MAMLD1: variants seen among roughly 807,000 people sequenced by gnomAD.
MAMLD1 encodes mastermind like domain containing 1.
A neutral mutation model predicts 45.0 loss-of-function variants in MAMLD1; 14 were observed. The ratio of observed to expected loss-of-function variants is 0.31; its 90% confidence interval spans 0.21 to 0.49. MAMLD1 has a LOEUF of 0.49. Ranked by LOEUF, MAMLD1 falls within the 20% of genes least tolerant of loss-of-function variation. MAMLD1 has a pLI of 0.99. For synonymous variants in MAMLD1, 254 were observed against 247.8 expected, an observed-to-expected ratio of 1.02 and a Z score of -0.24; for missense variants, 543 against 603.6, an observed-to-expected ratio of 0.90 and a Z score of 1.05.
rs1369018914 is a variant in MAMLD1 at position 150,387,494 on chromosome X, A to G, written c.-64+23964A>G. Among the ~76,000 whole-genome samples, 4 of 112,087 alleles carry G rather than the reference A, an allele frequency of 3.6e-5. No homozygotes were observed. In the Admixed American group the frequency reaches 3.8e-4, roughly 11 times the overall value. ...GCCAAACTGCTTTCTAAAATTTGTGAAAATACAGTATTTGTGGGATGCGTA... is the reference window on the plus strand; with the variant it reads ...GCCAAACTGCTTTCTAAAATTTGTGGAAATACAGTATTTGTGGGATGCGTA... On this transcript the variant is annotated intron_variant, in intron 1 of 7. Coordinates refer to ENST00000370401, the MANE Select transcript of MAMLD1 (RefSeq NM_005491.5).
At chrX:150,409,785 C>T (rs1195053614) in intron 1 of MAMLD1, among the ~76,000 whole-genome samples, 1 of 112,325 alleles carries the variant, frequency 8.9e-6, no homozygotes, top group Non-Finnish European at 1.9e-5. Context: ...ACAGTATCCA[C>T]TTGTATGTGT....
At chrX:150,455,684 G>A (rs782273516) in intron 2 of MAMLD1, among the ~76,000 whole-genome samples, 10 of 111,461 alleles carry the variant, frequency 9.0e-5, no homozygotes, top group African/African-American at 2.9e-4. Flanking sequence ...CAGACCATGA[G>A]GGCTCAGGGC....
intron 6 of MAMLD1, among the ~76,000 whole-genome samples, chrX:150,507,829 A>G (rs1468286210): frequency 1.8e-5 from 2 of 110,841 alleles, no homozygotes; most frequent in African/African-American, 3.3e-5. Context: ...ACTTTACCGC[A>G]CTTCCCCTGC....
chrX:150,447,061 GCA>G (rs1217558534), intron 2 of MAMLD1, among the ~76,000 whole-genome samples: 4 of 112,448 alleles, frequency 3.6e-5, no homozygotes, highest in African/African-American at 1.3e-4. Context: ...ACAGTTGAAT[GCA>G]CAGATTCCAG....
chrX:150,387,999 G>A (rs1321966990), intron 1 of MAMLD1, among the ~76,000 whole-genome samples: 5 of 111,457 alleles, frequency 4.5e-5, no homozygotes, highest in Non-Finnish European at 9.4e-5. Flanking sequence ...GTCTTTTTCT[G>A]TACTGTCTTT....
intron 2 of MAMLD1, among the ~76,000 whole-genome samples, chrX:150,461,511 C>T (rs1415676833): frequency 9.0e-6 from 1 of 111,683 alleles, no homozygotes; most frequent in African/African-American, 3.3e-5. Context: ...GATTATTCTG[C>T]CTCTTTAGAG....
chrX:150,469,653 CTCTGTGTG>C (rs1366155491), intron 3 of MAMLD1, 84 bp from the exon 4 acceptor site: 24 of 483,030 alleles, frequency 5.0e-5, no homozygotes, highest in Non-Finnish European at 6.7e-5. Flanking sequence ...CTCTCTCTCT[CTCTGTGTG>C]TGTGTGTGTG....
intron 1 of MAMLD1, among the ~76,000 whole-genome samples, chrX:150,398,061 C>T (rs892269507): frequency 1.8e-5 from 2 of 108,559 alleles, no homozygotes; most frequent in African/African-American, 3.4e-5. Context: ...ATTATCACCC[C>T]GTGCTTGCTC....
chrX:150,403,968 G>GAAAGAAAGAAAGAAAGAA (rs1557402580), intron 1 of MAMLD1, among the ~76,000 whole-genome samples: 2,683 of 89,798 alleles, frequency 0.03, 56 homozygotes, highest in Middle Eastern at 0.04. Context: ...AAGAAAGAAA[G>GAAAGAAAGAAAGAAAGAA]AAAGAAAGAA....
At chrX:150,485,540 C>G (rs925511652) in intron 5 of MAMLD1, among the ~76,000 whole-genome samples, 2 of 111,808 alleles carry the variant, frequency 1.8e-5, no homozygotes, top group Admixed American at 1.9e-4. Context: ...AGCATTGCTT[C>G]TTTTCTATAG....
At chrX:150,454,275 A>G (rs1045466859) in intron 2 of MAMLD1, among the ~76,000 whole-genome samples, 5 of 112,212 alleles carry the variant, frequency 4.5e-5, no homozygotes, top group Admixed American at 3.8e-4. Context: ...AACTTGGCCT[A>G]TATAAAATAC....
intron 1 of MAMLD1, among the ~76,000 whole-genome samples, chrX:150,422,685 G>C (rs1235956825): frequency 8.9e-6 from 1 of 111,959 alleles, no homozygotes; most frequent in East Asian, 2.8e-4. Context: ...ACAAAGTGCT[G>C]GGATTACAGA....
intron 1 of MAMLD1, among the ~76,000 whole-genome samples, chrX:150,398,314 G>A (rs1036816902): frequency 1.0e-5 from 1 of 99,094 alleles, no homozygotes; most frequent in East Asian, 3.0e-4. Context: ...AGAAGAAGAA[G>A]AAGAAGAAGA....
intron 1 of MAMLD1, among the ~76,000 whole-genome samples, chrX:150,381,682 G>C (rs1439848092): frequency 8.9e-6 from 1 of 112,120 alleles, no homozygotes; most frequent in Non-Finnish European, 1.9e-5. Context: ...AATTCTGATA[G>C]TGGTGTAGTG....
chrX:150,445,251 A>G (rs2035448669), intron 1 of MAMLD1, among the ~76,000 whole-genome samples: 1 of 110,358 alleles, frequency 9.1e-6, no homozygotes, highest in Admixed American at 9.6e-5. Context: ...AAGGACTGTC[A>G]TTTTATCCCA....
chrX:150,463,083 C>G (rs1281563746), intron 3 of MAMLD1, among the ~76,000 whole-genome samples: 1 of 112,396 alleles, frequency 8.9e-6, no homozygotes, highest in Non-Finnish European at 1.9e-5. Context: ...GCTTGTTAGC[C>G]AAATTTAGGT....
chrX:150,367,376 T>C (rs1174240573), intron 1 of MAMLD1, among the ~76,000 whole-genome samples: 7 of 111,668 alleles, frequency 6.3e-5, no homozygotes, highest in African/African-American at 2.3e-4. Flanking sequence ...ATGTTTAATG[T>C]ATTTTCTTCC....
chrX:150,482,004 G>GAAA (rs1279109331), intron 5 of MAMLD1, among the ~76,000 whole-genome samples: 1 of 106,059 alleles, frequency 9.4e-6, no homozygotes, highest in South Asian at 4.3e-4. Context: ...AAGAAAGAAA[G>GAAA]AAAGAAAGAA....
chrX:150,409,431 C>A (rs1418549495), intron 1 of MAMLD1, among the ~76,000 whole-genome samples: 1 of 110,940 alleles, frequency 9.0e-6, no homozygotes, highest in Non-Finnish European at 1.9e-5. Context: ...TGGAGGCCCG[C>A]CCATCTGATC....
Sources: gnomAD v4.1 joint callset for allele counts (sites outside exome capture counted in the v4.1 genomes callset) on GRCh38, gnomAD v4.1.1 for gene constraint, MANE v1.5 for transcripts, NCBI Gene and HGNC (gene_info 2026-07-23, HGNC 2026-07-21) for gene names.